DAPK1: variants seen among roughly 807,000 people sequenced by gnomAD.
DAPK1 encodes the protein death associated protein kinase 1.
A neutral mutation model predicts 144.9 loss-of-function variants in DAPK1; 56 were observed. The ratio of observed to expected loss-of-function variants is 0.39; its 90% CI spans 0.31 to 0.48. DAPK1 has a LOEUF of 0.48. Ranked by LOEUF, DAPK1 falls within the 20% of genes least tolerant of loss-of-function variation. DAPK1 has a pLI of 0.95. For missense variants in DAPK1, 1,454 were observed against 1,875.4 expected (o/e 0.78, Z 4.15); for synonymous variants, 690 against 749.0 (o/e 0.92, Z 1.29).
chr9:87,571,476 A>ACACACCCCAACACAC (rs771023885), intron 2 of DAPK1, among the ~76,000 whole-genome samples: 2 of 48,560 alleles, frequency 4.1e-5, no homozygotes, highest in Non-Finnish European at 3.7e-5. Context: ...CACACACACC[A>ACACACCCCAACACAC]ACACACACAC....
chr9:87,555,909 T>A (rs1402091138), intron 2 of DAPK1, among the ~76,000 whole-genome samples: 1 of 152,248 alleles, frequency 6.6e-6, no homozygotes, highest in Non-Finnish European at 1.5e-5. Context: ...TCAATATGAT[T>A]AAACAATTGC....
At chr9:87,576,345 A>G (rs778146389) in intron 2 of DAPK1, among the ~76,000 whole-genome samples, 4 of 152,188 alleles carry the variant, frequency 2.6e-5, no homozygotes, top group Non-Finnish European at 4.4e-5. Flanking sequence ...GTGGACTCCT[A>G]TATTTGCTCT....
intron 3 of DAPK1, among the ~76,000 whole-genome samples, chr9:87,615,345 A>G (rs36208060): frequency 0.014 from 2,087 of 152,308 alleles, 46 homozygotes; most frequent in African/African-American, 0.048. Flanking sequence ...CGCTGGGAAT[A>G]TGTGCTTGTT....
intron 2 of DAPK1, among the ~76,000 whole-genome samples, chr9:87,585,040 TTTC>T (rs1219280662): frequency 1.3e-5 from 2 of 152,220 alleles, no homozygotes; most frequent in Non-Finnish European, 2.9e-5. Context: ...GGTTATTTGT[TTTC>T]TTGCTTTGGA....
At chr9:87,548,037 C>T (rs145897305) in intron 2 of DAPK1, among the ~76,000 whole-genome samples, 4 of 152,258 alleles carry the variant, frequency 2.6e-5, no homozygotes, top group Admixed American at 2.0e-4. Context: ...TGTACAGGGC[C>T]GGGCATTATT....
chr9:87,687,936 T>C (rs1824922358), intron 21 of DAPK1, among the ~76,000 whole-genome samples: 1 of 152,198 alleles, frequency 6.6e-6, no homozygotes, highest in African/African-American at 2.4e-5. Context: ...GTTGGCCATT[T>C]GTATGTCTTC....
intron 3 of DAPK1, among the ~76,000 whole-genome samples, chr9:87,610,318 C>T (rs1476204759): frequency 6.6e-6 from 1 of 152,228 alleles, no homozygotes; most frequent in African/African-American, 2.4e-5. Context: ...CGTGCCAATA[C>T]CAAAATTTCT....
chr9:87,672,797 A>T (rs1158607635), intron 19 of DAPK1, among the ~76,000 whole-genome samples: 2 of 152,152 alleles, frequency 1.3e-5, no homozygotes, highest in African/African-American at 4.8e-5. Flanking sequence ...GGTTATTGGA[A>T]ATGACTGAGC....
intron 3 of DAPK1, among the ~76,000 whole-genome samples, chr9:87,611,539 G>A (rs1293618032): frequency 1.3e-5 from 2 of 152,168 alleles, no homozygotes; most frequent in Admixed American, 6.5e-5. Context: ...GCTCACTGCA[G>A]CCTTGAACTC....
rs747751167 is a variant in DAPK1, at chr9:87,706,950, G to A, written c.3879G>A (p.Gln1293=). 6.2e-7 allele frequency: 1 copy of A among 1,613,340 alleles called. No individual in the cohort carries two copies. Among genetic ancestry groups the A allele is most frequent in the South Asian group, 1.1e-5 (1 of 91,016 alleles). Residue 1293 remains glutamine (Q), a synonymous_variant, in exon 26 of 26, where the codon CAG becomes CAA. Transcript: ENST00000408954. This position sits in a 1 kb window ranked among gnomAD's most constrained non-coding sequence, Gnocchi z 9.0. ...TCGGGTGTCACGACGTCTACTCACA[G>A]GCCAGCCTCGGCATGGACATCCATG... ...MCFGCHDVYS[Q]ASLGMDIHAS...
At chr9:87,623,866 T>C (rs1587781359) in intron 3 of DAPK1, among the ~76,000 whole-genome samples, 2 of 152,082 alleles carry the variant, frequency 1.3e-5, no homozygotes, top group East Asian at 3.9e-4. Context: ...ACCCCTCAGA[T>C]AGGAGGTAAC....
chr9:87,691,818 G>T (rs1342769567), intron 21 of DAPK1, among the ~76,000 whole-genome samples: 1 of 151,906 alleles, frequency 6.6e-6, no homozygotes, highest in Non-Finnish European at 1.5e-5. Context: ...TCAATTTCTA[G>T]TTTTACTGCA....
chr9:87,524,716 AG>A (rs1165555612), intron 2 of DAPK1, among the ~76,000 whole-genome samples: 3 of 152,256 alleles, frequency 2.0e-5, no homozygotes, highest in African/African-American at 7.2e-5. Context: ...GGCCCTAAAA[AG>A]GAATGAATTA....
intron 2 of DAPK1, 138 bp from the exon 3 acceptor site, chr9:87,604,816 C>T (rs535632112): frequency 1.5e-5 from 10 of 667,676 alleles, no homozygotes; most frequent in Admixed American, 1.4e-4. Flanking sequence ...AAGAAACATC[C>T]CTACCTAATT....
intron 25 of DAPK1, among the ~76,000 whole-genome samples, chr9:87,704,827 G>T (rs1406170668): frequency 1.3e-5 from 2 of 152,198 alleles, no homozygotes; most frequent in Non-Finnish European, 2.9e-5. Flanking sequence ...TTACTGTGTG[G>T]TCACCGGTGG....
chr9:87,603,572 CAA>C (rs1828603074), intron 2 of DAPK1, among the ~76,000 whole-genome samples: 2 of 152,226 alleles, frequency 1.3e-5, no homozygotes, highest in Non-Finnish European at 2.9e-5. Context: ...TCTTTAACAT[CAA>C]AATATTATCC....
At chr9:87,536,732 CTA>C (rs1825873629) in intron 2 of DAPK1, among the ~76,000 whole-genome samples, 1 of 152,166 alleles carries the variant, frequency 6.6e-6, no homozygotes, top group African/African-American at 2.4e-5. Flanking sequence ...GCTACTTTTC[CTA>C]TGTTATTTGC....
intron 3 of DAPK1, among the ~76,000 whole-genome samples, chr9:87,615,267 G>A (rs1829055795): frequency 6.6e-6 from 1 of 152,192 alleles, no homozygotes; most frequent in African/African-American, 2.4e-5. Context: ...TTCCCTGTGT[G>A]TAACTTGTTT....
At position 87,678,884 on chromosome 9, in the gene DAPK1, G is replaced by A. The variant is rs567743832; in HGVS notation, c.2002-2520G>A. ...CAGGGGTCAGTATAGTTCCTGTTGA[G>A]GAAGTCTGGTCCTGGCTTAGGAATT... On this transcript the variant is annotated intron_variant, in intron 19 of 25. Transcript: ENST00000408954. Among the ~76,000 whole-genome samples, 6 of 152,326 alleles carry A rather than the reference G, an allele frequency of 3.9e-5. No individual in the cohort carries two copies. The South Asian group carries it at 1.2e-3, about 32-fold the overall frequency.
Sources: allele counts gnomAD v4.1 joint callset (sites outside exome capture counted in the v4.1 genomes callset), GRCh38; gene constraint gnomAD v4.1.1; non-coding constraint Gnocchi (gnomAD v3.1); transcripts MANE v1.5; gene names NCBI Gene and HGNC (gene_info 2026-07-23, HGNC 2026-07-21).